STAT1: variants seen among roughly 807,000 people sequenced by gnomAD.
The protein encoded by STAT1 is signal transducer and activator of transcription 1-alpha/beta.
A neutral mutation model predicts 111.7 loss-of-function variants in STAT1; 24 were observed. The observed-to-expected ratio is 0.21, with a 90% CI of 0.16 to 0.30. The LOEUF is 0.30. Among genes scored for constraint, STAT1 ranks in the 10% least tolerant of loss-of-function variants. STAT1 has a pLI of 1.00. For synonymous variants in STAT1, 332 were observed against 326.5 expected, an observed-to-expected ratio of 1.02 and a Z score of -0.18; for missense variants, 351 against 911.9, an observed-to-expected ratio of 0.38 and a Z score of 7.92.
chr2:190,994,168 A>G (rs1693625753), intron 10 of STAT1, among the ~76,000 whole-genome samples: 2 of 152,226 alleles, frequency 1.3e-5, no homozygotes. Context: ...AAGTATCCTC[A>G]GGAGAGCCAC....
In STAT1 at chr2:190,978,636, TTTTCAAAACCATCATTTCCACAA is replaced by T. The variant is rs1692098014; in HGVS notation, c.1873+197_1873+219del. 1.6e-6 allele frequency: 1 copy of T among 638,176 alleles called. No homozygotes were observed. Among genetic ancestry groups the T allele is most frequent in the South Asian group, 1.8e-5 (1 of 54,558 alleles). The allele number at this position is 638,176 out of a possible 1,614,324, so 39.5% of individuals were successfully genotyped here. On this transcript the variant is annotated intron_variant, in intron 21 of 24. Coordinates refer to ENST00000361099, the MANE Select transcript of STAT1 (RefSeq NM_007315.4). This position sits in a 1 kb window ranked among gnomAD's most constrained non-coding sequence, Gnocchi z 6.1. Reference sequence around the variant, plus strand: ...TGCAAAGGAAAGAATTGGCATTGTCTTTTCAAAACCATCATTTCCACAATATGTTCCAGAGAGTGAACCACAAC... The same window carrying T: ...TGCAAAGGAAAGAATTGGCATTGTCTTATGTTCCAGAGAGTGAACCACAAC...
In STAT1 at chr2:190,974,947, A is replaced by G. The variant is rs1691787405; in HGVS notation, c.2136-15T>C. On this transcript the variant is annotated splice_polypyrimidine_tract_variant and intron_variant, in intron 23 of 24. Transcript: ENST00000361099. This position sits in a 1 kb window ranked among gnomAD's most constrained non-coding sequence, Gnocchi z 4.8. ...TAGAAGGGTGACTAAAATGGGGAAA[A>G]AGAAAAGAGCAATGTCAACATCTGA... The G allele has an allele frequency of 6.3e-7, 1 of 1,591,324 alleles. No individual in the cohort carries two copies. Among genetic ancestry groups the G allele is most frequent in the Admixed American group, 1.7e-5 (1 of 59,898 alleles).
In STAT1 at chr2:190,982,277, A is replaced by C; in HGVS notation, c.1582+106T>G. ...ATAGCTTGAAAAGCTGACAGATTTTAGTACTTTTTTACCTTTAACAAAATA... is the reference window on the plus strand; with the variant it reads ...ATAGCTTGAAAAGCTGACAGATTTTCGTACTTTTTTACCTTTAACAAAATA... On this transcript the variant is annotated intron_variant, in intron 18 of 24. Coordinates refer to ENST00000361099, the MANE Select transcript of STAT1 (RefSeq NM_007315.4). The surrounding 1 kb of genome is among the most constrained non-coding windows in gnomAD (Gnocchi z 7.3). The C allele has an allele frequency of 7.6e-7, 1 of 1,323,258 alleles. No homozygotes were observed. Among genetic ancestry groups the C allele is most frequent in the South Asian group, 1.2e-5 (1 of 82,670 alleles). The allele number at this position is 1,323,258 out of a possible 1,614,324, so 82.0% of individuals were successfully genotyped here.
Position 190,978,347 on chromosome 2 carries a change from C to A in STAT1, c.1873+509G>T. On this transcript the variant is annotated intron_variant, in intron 21 of 24. Coordinates refer to ENST00000361099, the MANE Select transcript of STAT1 (RefSeq NM_007315.4). The surrounding 1 kb of genome is among the most constrained non-coding windows in gnomAD (Gnocchi z 6.1). ...GGACTCATTTGATTAAATAGAAACC[C>A]CATATATGATAAAGATAAATTTGCA... 1 of 180,116 alleles carries A rather than the reference C, an allele frequency of 5.6e-6. No individual in the cohort carries two copies. Among genetic ancestry groups the A allele is most frequent in the Non-Finnish European group, 1.2e-5 (1 of 82,340 alleles). The allele number at this position is 180,116 out of a possible 1,614,324, so 11.2% of individuals were successfully genotyped here.
At position 190,974,955 on chromosome 2, in the gene STAT1, A is replaced by G. The variant is rs1691788885; in HGVS notation, c.2136-23T>C. The G allele has an allele frequency of 7.7e-6, 12 of 1,557,704 alleles. No homozygotes were observed. Among genetic ancestry groups the G allele is most frequent in the Non-Finnish European group, 1.1e-5 (12 of 1,129,302 alleles). On this transcript the variant is annotated intron_variant, in intron 23 of 24. Coordinates refer to ENST00000361099, the MANE Select transcript of STAT1 (RefSeq NM_007315.4). The surrounding 1 kb of genome is among the most constrained non-coding windows in gnomAD (Gnocchi z 4.8). ...TGACTAAAATGGGGAAAAAGAAAAG[A>G]GCAATGTCAACATCTGAGTGATGAA...
Position 191,013,564 on chromosome 2 carries a change from CA to C in STAT1, c.-42del. The C allele has an allele frequency of 2.5e-6, 1 of 398,528 alleles. No individual in the cohort carries two copies. Among genetic ancestry groups the C allele is most frequent in the East Asian group, 3.6e-5 (1 of 28,072 alleles). 24.7% of individuals were successfully genotyped at this position (398,528 alleles called of 1,614,324 possible). On this transcript the variant is annotated 5_prime_UTR_variant, in exon 2 of 25. Coordinates refer to ENST00000361099, the MANE Select transcript of STAT1 (RefSeq NM_007315.4). ...CCCAACAAGGGCCTGGGGATTCAACCAAAGGAGCAGCTACGCACAGCACGTT... is the reference window on the plus strand; with the variant it reads ...CCCAACAAGGGCCTGGGGATTCAACCAAGGAGCAGCTACGCACAGCACGTT...
rs2125100837 is a variant in STAT1 at position 191,009,048 on chromosome 2, T to C, written c.188A>G (p.Gln63Arg). The C allele has an allele frequency of 6.2e-7, 1 of 1,614,118 alleles. No individual in the cohort carries two copies. Among genetic ancestry groups the C allele is most frequent in the Non-Finnish European group, 8.5e-7 (1 of 1,179,974 alleles). Residue 63 changes from glutamine to arginine, a missense_variant, in exon 4 of 25, where the codon CAG (glutamine) becomes CGG (arginine). By Grantham distance (43) the Gln-to-Arg change is conservative. Around this residue, in one of 7 missense-constraint regions of STAT1, gnomAD observed 44 missense variants for 144.2 expected, o/e 0.31. Coordinates refer to ENST00000361099, the MANE Select transcript of STAT1 (RefSeq NM_007315.4). ...AAAGCGACTATATTGATCATCCAGC[T>C]GTGACAGGAGGTCATGAAAACGGAT... ...ATIRFHDLLSQLDDQYSRFSL... is the reference protein window; with the variant it reads ...ATIRFHDLLSRLDDQYSRFSL...
At position 191,007,343 on chromosome 2, in the gene STAT1, G is replaced by C. The variant is rs41390345; in HGVS notation, c.372+220C>G. On this transcript the variant is annotated intron_variant, in intron 5 of 24. Coordinates refer to ENST00000361099, the MANE Select transcript of STAT1 (RefSeq NM_007315.4). This position sits in a 1 kb window ranked among gnomAD's most constrained non-coding sequence, Gnocchi z 4.2. ...ACTTTATGCTACCCAGAAGTATCTT[G>C]TTTATATGTTCTCTCTCCTCGTTAG... 0.013 allele frequency among the ~76,000 whole-genome samples: 2,048 copies of C among 152,240 alleles called. 48 individuals carry two copies. The highest frequency in any genetic ancestry group is 0.046 in the African/African-American group (1,915 of 41,532).
At chr2:191,008,900 G>T (rs115639454) in intron 4 of STAT1, 63 bp downstream of exon 4, 16 of 1,571,798 alleles carry the variant, frequency 1.0e-5, no homozygotes, top group Non-Finnish European at 1.3e-5. Context: ...TTTGCTGAAT[G>T]AAGAAAACTG....
At position 190,976,662 on chromosome 2, in the gene STAT1, T is replaced by C. The variant is rs903356186; in HGVS notation, c.2059+178A>G. On this transcript the variant is annotated intron_variant, in intron 22 of 24. Transcript: ENST00000361099. The surrounding 1 kb of genome is among the most constrained non-coding windows in gnomAD (Gnocchi z 6.0). ...AGGAAATTGTCCATTCATTTCTTAC[T>C]AGCTGTATCAGGCCAAATAATGCAT... 1.3e-5 allele frequency among the ~76,000 whole-genome samples: 2 copies of C among 152,240 alleles called. No homozygotes were observed. Among genetic ancestry groups the C allele is most frequent in the African/African-American group, 4.8e-5 (2 of 41,462 alleles).
Position 190,975,008 on chromosome 2 carries a change from T to C in STAT1, c.2136-76A>G. 9.2e-7 allele frequency: 1 copy of C among 1,088,112 alleles called. No individual in the cohort carries two copies. Among genetic ancestry groups the C allele is most frequent in the Non-Finnish European group, 1.4e-6 (1 of 714,326 alleles). The allele number at this position is 1,088,112 out of a possible 1,614,324, so 67.4% of individuals were successfully genotyped here. Reference sequence around the variant, plus strand: ...CACTAGTGCATACTTACACACTTTATCTTTTGTCTGTAATTGAATTATCAC... The same window carrying C: ...CACTAGTGCATACTTACACACTTTACCTTTTGTCTGTAATTGAATTATCAC... On this transcript the variant is annotated intron_variant, in intron 23 of 24. Coordinates refer to ENST00000361099, the MANE Select transcript of STAT1 (RefSeq NM_007315.4). This position sits in a 1 kb window ranked among gnomAD's most constrained non-coding sequence, Gnocchi z 5.9.
Position 190,980,760 on chromosome 2 carries a change from A to G in STAT1, c.1583-91T>C. On this transcript the variant is annotated intron_variant, in intron 18 of 24. Transcript: ENST00000361099. The surrounding 1 kb of genome is among the most constrained non-coding windows in gnomAD (Gnocchi z 6.1). Reference sequence around the variant, plus strand: ...TGGCTCTTGTATTTGCTCTCAAGGAAAAGAGCCAAACACCCAACAAAGATT... The same window carrying G: ...TGGCTCTTGTATTTGCTCTCAAGGAGAAGAGCCAAACACCCAACAAAGATT... 7.8e-7 allele frequency: 1 copy of G among 1,287,598 alleles called. No individual in the cohort carries two copies. 79.8% of individuals were successfully genotyped at this position (1,287,598 alleles called of 1,614,324 possible).
Position 190,977,899 on chromosome 2 carries a change from G to T in STAT1, c.1874-874C>A, listed in dbSNP as rs1019506853. On this transcript the variant is annotated intron_variant, in intron 21 of 24. Transcript: ENST00000361099. This position sits in a 1 kb window ranked among gnomAD's most constrained non-coding sequence, Gnocchi z 4.7. ...CTGCTTTTTCCTCAGAAGAAAAATA[G>T]AACAAGAAAAGTATTCCAGAAAAAC... 1.9e-4 allele frequency among the ~76,000 whole-genome samples: 29 copies of T among 151,676 alleles called. No individual in the cohort carries two copies. Among genetic ancestry groups the T allele is most frequent in the African/African-American group, 7.0e-4 (29 of 41,268 alleles).
In STAT1 at chr2:190,980,154, C is replaced by G. The variant is rs746713652; in HGVS notation, c.1633-288G>C. Among the ~76,000 whole-genome samples, 1 of 152,218 alleles carries G rather than the reference C, an allele frequency of 6.6e-6. No individual in the cohort carries two copies. Among genetic ancestry groups the G allele is most frequent in the Non-Finnish European group, 1.5e-5 (1 of 68,034 alleles). ...TGGGGGTGACCTCCAGCGTGACTCACGGAAACACAAGCTGCCCCACACTAG... is the reference window on the plus strand; with the variant it reads ...TGGGGGTGACCTCCAGCGTGACTCAGGGAAACACAAGCTGCCCCACACTAG... On this transcript the variant is annotated intron_variant, in intron 19 of 24. Transcript: ENST00000361099. The surrounding 1 kb of genome is among the most constrained non-coding windows in gnomAD (Gnocchi z 6.1).
Position 190,982,301 on chromosome 2 carries a change from T to A in STAT1, c.1582+82A>T. The A allele has an allele frequency of 6.5e-7, 1 of 1,539,022 alleles. No homozygotes were observed. Among genetic ancestry groups the A allele is most frequent in the Non-Finnish European group, 9.0e-7 (1 of 1,114,448 alleles). On this transcript the variant is annotated intron_variant, in intron 18 of 24. Coordinates refer to ENST00000361099, the MANE Select transcript of STAT1 (RefSeq NM_007315.4). The surrounding 1 kb of genome is among the most constrained non-coding windows in gnomAD (Gnocchi z 7.3). ...TAGTACTTTTTTACCTTTAACAAAA[T>A]AGCAGAGGGGAAAAGAGCAATTAGA...
Position 191,007,287 on chromosome 2 carries a change from C to A in STAT1, c.372+276G>T, listed in dbSNP as rs1368314331. 6.6e-6 allele frequency among the ~76,000 whole-genome samples: 1 copy of A among 152,208 alleles called. No homozygotes were observed. Among genetic ancestry groups the A allele is most frequent in the Non-Finnish European group, 1.5e-5 (1 of 68,038 alleles). On this transcript the variant is annotated intron_variant, in intron 5 of 24. Coordinates refer to ENST00000361099, the MANE Select transcript of STAT1 (RefSeq NM_007315.4). This position sits in a 1 kb window ranked among gnomAD's most constrained non-coding sequence, Gnocchi z 4.2. ...AAAGGAACAACCCCACTCCCAGCCA[C>A]TCCATGAATTCAGCATGTTATCTTC...
Position 191,012,452 on chromosome 2 carries a change from C to G in STAT1, c.-2+1073G>C, listed in dbSNP as rs1402499583. Reference sequence around the variant, plus strand: ...AACAATGAATAAATAAGCTCATGTTCACAAATCTGGAGTCAGTCTCATCTA... The same window carrying G: ...AACAATGAATAAATAAGCTCATGTTGACAAATCTGGAGTCAGTCTCATCTA... On this transcript the variant is annotated intron_variant, in intron 2 of 24. Transcript: ENST00000361099. This position sits in a 1 kb window ranked among gnomAD's most constrained non-coding sequence, Gnocchi z 4.0. Among the ~76,000 whole-genome samples, 2 of 151,812 alleles carry G rather than the reference C, an allele frequency of 1.3e-5. No individual in the cohort carries two copies. The highest frequency in any genetic ancestry group is 4.8e-5 in the African/African-American group (2 of 41,314).
rs59582019 is a variant in STAT1, at chr2:190,979,036, G to A, written c.1728-35C>T. 1.1e-5 allele frequency: 17 copies of A among 1,613,536 alleles called. 1 individual carries two copies. In the African/African-American group the frequency reaches 1.9e-4, roughly 18 times the overall value. On this transcript the variant is annotated intron_variant, in intron 20 of 24. Coordinates refer to ENST00000361099, the MANE Select transcript of STAT1 (RefSeq NM_007315.4). This position sits in a 1 kb window ranked among gnomAD's most constrained non-coding sequence, Gnocchi z 5.8. ...GAAGAGATGGACGGATGGGCTTTTAGTTCAATCATGATTTCCATTTTCATG... is the reference window on the plus strand; with the variant it reads ...GAAGAGATGGACGGATGGGCTTTTAATTCAATCATGATTTCCATTTTCATG...
Position 190,993,552 on chromosome 2 carries a change from G to GA in STAT1, c.944+1508dup, listed in dbSNP as rs1294878156. On this transcript the variant is annotated intron_variant, in intron 10 of 24. Transcript: ENST00000361099. The surrounding 1 kb of genome is among the most constrained non-coding windows in gnomAD (Gnocchi z 4.1). ...TAATTTGAATAAATAATCAATTTGG[G>GA]ATTCATGCTGGACATGTCACTGTAG... The GA allele has an allele frequency of 4.6e-6, 3 of 648,364 alleles. No homozygotes were observed. Among genetic ancestry groups the GA allele is most frequent in the Non-Finnish European group, 8.7e-6 (3 of 346,138 alleles). The allele number at this position is 648,364 out of a possible 1,614,324, so 40.2% of individuals were successfully genotyped here.
Sources: allele counts gnomAD v4.1 joint callset (sites outside exome capture counted in the v4.1 genomes callset), GRCh38; gene constraint gnomAD v4.1.1; regional missense constraint gnomAD v4.1.1; non-coding constraint Gnocchi (gnomAD v3.1); transcripts MANE v1.5; gene names NCBI Gene and HGNC (gene_info 2026-07-23, HGNC 2026-07-21).